Variants in GRM4 observed in about 807,000 individuals in gnomAD.
GRM4 encodes metabotropic glutamate receptor 4.
GRM4 carries 28 observed loss-of-function variants against 81.7 expected under a neutral mutation model. That is an observed-to-expected ratio of 0.34 (90% CI 0.25 to 0.47). The LOEUF (loss-of-function observed/expected upper bound fraction) is 0.47. GRM4 is among the 20% of genes least tolerant of loss of function. The pLI, the probability that GRM4 is intolerant of heterozygous loss-of-function variation, is 1.00. For missense variants in GRM4, 948 were observed against 1,290.0 expected (o/e 0.73, Z 4.06); for synonymous variants, 488 against 528.8 (o/e 0.92, Z 1.06).
chr6:34,135,978 T>C (rs1770439802), intron 1 of GRM4, among the ~76,000 whole-genome samples: 1 of 152,174 alleles, frequency 6.6e-6, no homozygotes, highest in Non-Finnish European at 1.5e-5. Flanking sequence ...TACTAGCCCG[T>C]GTGCAGGCAG....
rs1766030358 is a variant in GRM4 at position 34,058,826 on chromosome 6, A to ACATAAGAACAT, written c.1027+147_1027+148insATGTTCTTATG. 1.5e-5 allele frequency: 9 copies of ACATAAGAACAT among 591,878 alleles called. No homozygotes were observed. In the East Asian group the frequency reaches 2.7e-4, roughly 18 times the overall value. The allele number at this position is 591,878 out of a possible 1,614,324, so 36.7% of individuals were successfully genotyped here. A position where few individuals can be genotyped will look rare whatever the true frequency, so the allele number is the denominator to read the frequency against. ...GTGGCCTAAAAGAACTCCCAGCCCA[A>ACATAAGAACAT]AACCTCAGAACATAAGAGGCTGTGG... On this transcript the variant is annotated intron_variant, in intron 5 of 10. Transcript: ENST00000538487.
chr6:34,061,953 C>T lies in GRM4; in HGVS notation c.812G>A (p.Arg271His), dbSNP rs763718688. Residue 271 changes from arginine (R) to histidine (H), a missense_variant, in exon 4 of 11, where the codon CGC (arginine) becomes CAC (histidine). By Grantham distance (29) the Arg-to-His change is conservative (BLOSUM62 0). Coordinates refer to ENST00000538487, the MANE Select transcript of GRM4 (RefSeq NM_000841.4). ...KAGEFDKIIRRLLETSNARAV... is the reference protein window; with the variant it reads ...KAGEFDKIIRHLLETSNARAV... ...CCTGGCGTTCGAAGTCTCCAGGAGG[C>T]GGCGGATGATCTTGTCGAACTCGCC... 8.1e-6 allele frequency: 13 copies of T among 1,613,800 alleles called. No homozygotes were observed. In the South Asian group the frequency reaches 1.1e-4, roughly 14 times the overall value.
intron 2 of GRM4, among the ~76,000 whole-genome samples, chr6:34,122,959 C>T (rs1769875215): frequency 6.6e-6 from 1 of 152,184 alleles, no homozygotes; most frequent in African/African-American, 2.4e-5. Context: ...TCCAGAAGGA[C>T]ACGGCCCGAG....
intron 6 of GRM4, among the ~76,000 whole-genome samples, chr6:34,051,716 G>A (rs938131355): frequency 6.6e-6 from 1 of 152,192 alleles, no homozygotes; most frequent in Non-Finnish European, 1.5e-5. Flanking sequence ...GGTGACCCCA[G>A]CTCACTGAGG....
At chr6:34,123,914 G>C (rs544455247) in intron 2 of GRM4, among the ~76,000 whole-genome samples, 2 of 152,174 alleles carry the variant, frequency 1.3e-5, no homozygotes, top group Non-Finnish European at 2.9e-5. Flanking sequence ...GCTGGGGGCT[G>C]GGGGGAGTAA....
intron 1 of GRM4, among the ~76,000 whole-genome samples, chr6:34,144,822 G>C (rs1353243012): frequency 6.6e-6 from 1 of 152,110 alleles, no homozygotes; most frequent in East Asian, 1.9e-4. Flanking sequence ...ACTTTCCACC[G>C]GGCCCGCAAA....
chr6:34,099,844 C>T (rs1463975121), intron 2 of GRM4, among the ~76,000 whole-genome samples: 1 of 152,186 alleles, frequency 6.6e-6, no homozygotes, highest in African/African-American at 2.4e-5. Flanking sequence ...GACTGTCTGT[C>T]CTTGCCCCAG....
intron 9 of GRM4, among the ~76,000 whole-genome samples, chr6:34,032,872 G>A (rs890129520): frequency 1.3e-5 from 2 of 152,192 alleles, no homozygotes; most frequent in African/African-American, 4.8e-5. Flanking sequence ...CAGCCAGGGG[G>A]AAATATGGCA....
At chr6:34,040,994 G>A (rs1764996673) in intron 6 of GRM4, among the ~76,000 whole-genome samples, 1 of 152,218 alleles carries the variant, frequency 6.6e-6, no homozygotes, top group South Asian at 2.1e-4. Flanking sequence ...ACTGATGCCT[G>A]TGCCACCCAA....
chr6:34,118,948 G>T lies in GRM4; in HGVS notation c.519+14030C>A, dbSNP rs961674066. On this transcript the variant is annotated intron_variant, in intron 2 of 10. Coordinates refer to ENST00000538487, the MANE Select transcript of GRM4 (RefSeq NM_000841.4). ...CTCTCATGAAGATTAAAATGTTCATGGTTGAATCAGGTACTCGCTGCTAAC... is the reference window on the plus strand; with the variant it reads ...CTCTCATGAAGATTAAAATGTTCATTGTTGAATCAGGTACTCGCTGCTAAC... Among the ~76,000 whole-genome samples the T allele has an allele frequency of 2.6e-5, 4 of 152,160 alleles. No individual in the cohort carries two copies. In the South Asian group the frequency reaches 8.3e-4, roughly 32 times the overall value.
intron 3 of GRM4, chr6:34,063,077 C>A (rs577474462): frequency 6.6e-6 from 1 of 151,922 alleles, no homozygotes. Flanking sequence ...ATCTTGAAGC[C>A]GGTCTTGGTA....
chr6:34,085,360 G>T (rs1242197254), intron 3 of GRM4, among the ~76,000 whole-genome samples: 1 of 152,216 alleles, frequency 6.6e-6, no homozygotes, highest in Non-Finnish European at 1.5e-5. Flanking sequence ...ACCTGACGCA[G>T]CTGCTGACAG....
intron 2 of GRM4, among the ~76,000 whole-genome samples, chr6:34,124,334 C>T (rs1433426929): frequency 2.0e-5 from 3 of 152,216 alleles, no homozygotes; most frequent in Non-Finnish European, 4.4e-5. Flanking sequence ...CACAAAAGTC[C>T]GCTCTGAACA....
At chr6:34,071,466 TACAC>T (rs1766839560) in intron 3 of GRM4, among the ~76,000 whole-genome samples, 1 of 100,610 alleles carries the variant, frequency 9.9e-6, no homozygotes, top group Non-Finnish European at 1.9e-5. Flanking sequence ...ACCACAGAGA[TACAC>T]ACCACAAACA....
At chr6:34,110,712 T>C in intron 2 of GRM4, 2 of 1,521,148 alleles carry the variant, frequency 1.3e-6, no homozygotes, top group Non-Finnish European at 1.8e-6. Context: ...CTCCCCGCTG[T>C]GCCGGGGTGC....
rs760556937 is a variant in GRM4 at position 34,090,712 on chromosome 6, C to T, written c.736+1171G>A. ...AGCTGTACAATTAAAGGGGCTTATCCGAGATTTATAGCAGGATTATGCCCA... is the reference window on the plus strand; with the variant it reads ...AGCTGTACAATTAAAGGGGCTTATCTGAGATTTATAGCAGGATTATGCCCA... On this transcript the variant is annotated intron_variant, in intron 3 of 10. Coordinates refer to ENST00000538487, the MANE Select transcript of GRM4 (RefSeq NM_000841.4). The surrounding 1 kb of genome is among the most constrained non-coding windows in gnomAD (Gnocchi z 5.2). Among the ~76,000 whole-genome samples, 5 of 151,926 alleles carry T rather than the reference C, an allele frequency of 3.3e-5. No homozygotes were observed. Among genetic ancestry groups the T allele is most frequent in the East Asian group, 1.9e-4 (1 of 5,188 alleles).
At chr6:34,076,598 G>A (rs1490725800) in intron 3 of GRM4, among the ~76,000 whole-genome samples, 1 of 152,224 alleles carries the variant, frequency 6.6e-6, no homozygotes, top group Non-Finnish European at 1.5e-5. Flanking sequence ...AGCTGGCCTT[G>A]GTGGAGGGGG....
In GRM4 at chr6:34,078,984, C is replaced by A. The variant is rs1275192330; in HGVS notation, c.736+12899G>T. On this transcript the variant is annotated intron_variant, in intron 3 of 10. Transcript: ENST00000538487. This position sits in a 1 kb window ranked among gnomAD's most constrained non-coding sequence, Gnocchi z 4.8. Reference sequence around the variant, plus strand: ...CCCAGGCGCACCCCCAGGTCTGAGGCCTCAGAGGCAGCCCCTCACTCCCTC... The same window carrying A: ...CCCAGGCGCACCCCCAGGTCTGAGGACTCAGAGGCAGCCCCTCACTCCCTC... Among the ~76,000 whole-genome samples, 1 of 152,152 alleles carries A rather than the reference C, an allele frequency of 6.6e-6. No individual in the cohort carries two copies. The highest frequency in any genetic ancestry group is 2.4e-5 in the African/African-American group (1 of 41,420).
intron 10 of GRM4, 91 bp downstream of exon 10, chr6:34,028,019 TCGGGGCAGGG>T (rs1229688786): frequency 1.5e-6 from 2 of 1,313,118 alleles, no homozygotes; most frequent in African/African-American, 3.0e-5. Flanking sequence ...GGATGGGGCA[TCGGGGCAGGG>T]CGGGGTGGGG....
Sources: gnomAD v4.1 joint callset for allele counts (sites outside exome capture counted in the v4.1 genomes callset) on GRCh38, gnomAD v4.1.1 for gene constraint, Gnocchi (gnomAD v3.1) non-coding constraint, MANE v1.5 for transcripts, NCBI Gene and HGNC (gene_info 2026-07-23, HGNC 2026-07-21) for gene names.